Variants in SYNPR observed in about 807,000 individuals in gnomAD.
SYNPR encodes the protein synaptoporin.
In SYNPR, 23 loss-of-function variants were observed where a neutral mutation model predicts 32.9. That is an observed-to-expected ratio of 0.70 (90% CI 0.50 to 0.99). The LOEUF (loss-of-function observed/expected upper bound fraction) is 0.99. SYNPR is among the 50% of genes least tolerant of loss of function. The pLI is 0.00. For synonymous variants in SYNPR, 146 were observed against 135.9 expected (o/e 1.07, Z -0.52); for missense variants, 318 against 349.3 (o/e 0.91, Z 0.71).
At chr3:63,397,715 C>T (rs1291167090) in intron 2 of SYNPR, among the ~76,000 whole-genome samples, 2 of 152,184 alleles carry the variant, frequency 1.3e-5, no homozygotes, top group Non-Finnish European at 2.9e-5. Flanking sequence ...TACCCTGCCA[C>T]TGACTAGCTG....
chr3:63,418,588 G>A (rs2088569783), intron 2 of SYNPR, among the ~76,000 whole-genome samples: 1 of 152,188 alleles, frequency 6.6e-6, no homozygotes, highest in Non-Finnish European at 1.5e-5. Flanking sequence ...GAGGTTTAAT[G>A]GACTCACAGT....
intron 4 of SYNPR, among the ~76,000 whole-genome samples, chr3:63,565,146 T>C (rs1473089756): frequency 6.6e-6 from 1 of 152,174 alleles, no homozygotes; most frequent in African/African-American, 2.4e-5. Flanking sequence ...TAGCCTGGCA[T>C]ACCCAGAGAA....
chr3:63,527,821 T>A (rs539629681), intron 3 of SYNPR, among the ~76,000 whole-genome samples: 1 of 152,316 alleles, frequency 6.6e-6, no homozygotes, highest in African/African-American at 2.4e-5. Context: ...AGTTTATAAC[T>A]TCAGTGTTCA....
intron 4 of SYNPR, among the ~76,000 whole-genome samples, chr3:63,566,296 AG>A (rs1352950485): frequency 6.6e-6 from 1 of 152,212 alleles, no homozygotes; most frequent in Non-Finnish European, 1.5e-5. Context: ...TACTATTTAA[AG>A]AACAACTATC....
At chr3:63,420,918 C>T (rs1006857505) in intron 2 of SYNPR, among the ~76,000 whole-genome samples, 1 of 152,048 alleles carries the variant, frequency 6.6e-6, no homozygotes, top group African/African-American at 2.4e-5. Flanking sequence ...GGTCTTGCTG[C>T]CTCCCAGGCT....
At chr3:63,200,971 T>C in the SYNPR span, among the ~76,000 whole-genome samples, 5 of 152,242 alleles carry the variant, frequency 3.3e-5, no homozygotes, top group South Asian at 2.1e-4. Flanking sequence ...TAAATCTAGA[T>C]GTACCCAGGC....
rs1346641521 is a variant in SYNPR, at chr3:63,338,238, TTTC to T, written c.84+59501_84+59503del. 1.8e-4 allele frequency among the ~76,000 whole-genome samples: 27 copies of T among 152,196 alleles called. 1 individual carries two copies. The highest frequency in any genetic ancestry group is 3.9e-4 in the Admixed American group (6 of 15,280). ...AGCCTCCAATAAATTCTTGGCAGAA[TTTC>T]TTCTGAACTTTGACCACAATGGCTA... On this transcript the variant is annotated intron_variant, in intron 2 of 5. Coordinates refer to ENST00000478300, the MANE Select transcript of SYNPR (RefSeq NM_001130003.2).
intron 1 of SYNPR, among the ~76,000 whole-genome samples, chr3:63,252,166 T>C (rs1438403221): frequency 2.6e-5 from 4 of 152,152 alleles, no homozygotes; most frequent in African/African-American, 4.8e-5. Flanking sequence ...GTGTATTCTA[T>C]TTGCAGAAAA....
intron 4 of SYNPR, among the ~76,000 whole-genome samples, chr3:63,604,163 C>T (rs1452771720): frequency 6.6e-6 from 1 of 152,064 alleles, no homozygotes; most frequent in East Asian, 1.9e-4. Flanking sequence ...GTAGTTTCTC[C>T]ACTCCATCTT....
chr3:63,435,003 C>T (rs948794305), intron 2 of SYNPR, among the ~76,000 whole-genome samples: 1 of 152,142 alleles, frequency 6.6e-6, no homozygotes, highest in Non-Finnish European at 1.5e-5. Context: ...TCCCCTGTAC[C>T]AGAAGAGTAG....
intron 2 of SYNPR, among the ~76,000 whole-genome samples, chr3:63,454,991 A>C (rs1700454684): frequency 6.6e-6 from 1 of 152,146 alleles, no homozygotes; most frequent in African/African-American, 2.4e-5. Flanking sequence ...ACTCAACTTT[A>C]CTTAAGTTTT....
intron 3 of SYNPR, among the ~76,000 whole-genome samples, chr3:63,511,082 C>G (rs1701689477): frequency 6.6e-6 from 1 of 151,880 alleles, no homozygotes; most frequent in African/African-American, 2.4e-5. Context: ...GCCTAAAAAT[C>G]TGGGTAGTTA....
chr3:63,542,265 T>A (rs764622169), intron 3 of SYNPR, among the ~76,000 whole-genome samples: 2 of 152,142 alleles, frequency 1.3e-5, no homozygotes, highest in Non-Finnish European at 2.9e-5. Context: ...TAAAACATGA[T>A]AATTGATCAG....
Position 63,479,446 on chromosome 3 carries a change from G to GCGCGCGCACACACACACACACACACACA in SYNPR, c.85-1385_85-1384insGCGCGCACACACACACACACACACACAC, listed in dbSNP as rs6147854. On this transcript the variant is annotated intron_variant, in intron 2 of 5. Coordinates refer to ENST00000478300, the MANE Select transcript of SYNPR (RefSeq NM_001130003.2). Reference sequence around the variant, plus strand: ...AGTCACTTAAAACTGCCACACACATGCACACACACATACACACACACACAC... The same window carrying GCGCGCGCACACACACACACACACACACA: ...AGTCACTTAAAACTGCCACACACATGCGCGCGCACACACACACACACACACACACACACACACATACACACACACACAC... Among the ~76,000 whole-genome samples the GCGCGCGCACACACACACACACACACACA allele has an allele frequency of 1.2e-3, 158 of 135,840 alleles. 3 individuals are homozygous for GCGCGCGCACACACACACACACACACACA. Among genetic ancestry groups the GCGCGCGCACACACACACACACACACACA allele is most frequent in the African/African-American group, 3.8e-3 (124 of 33,034 alleles). The allele number at this position is 135,840 out of a possible 152,430, so 89.1% of individuals were successfully genotyped here.
Position 63,609,228 on chromosome 3 carries a change from T to C in SYNPR, c.512T>C (p.Val171Ala). The change falls in exon 5 of 6, where the codon GTA becomes GCA. Residue 171 changes from valine (V) to alanine (A), a missense_variant. Physicochemically the swap from Val to Ala is moderately conservative, Grantham distance 64. Transcript: ENST00000478300. Reference protein sequence around the residue: ...DVKVATDPKEVLLLMSACKQP... With the variant: ...DVKVATDPKEALLLMSACKQP... ...AAAGTTGCAACGGATCCCAAGGAAG[T>C]ATTGCTACTAATGTCAGCTTGCAAA... 6.2e-7 allele frequency: 1 copy of C among 1,608,832 alleles called. No homozygotes were observed. Among genetic ancestry groups the C allele is most frequent in the Non-Finnish European group, 8.5e-7 (1 of 1,177,386 alleles).
intron 2 of SYNPR, among the ~76,000 whole-genome samples, chr3:63,449,556 A>T (rs186735712): frequency 6.6e-6 from 1 of 152,296 alleles, no homozygotes; most frequent in Non-Finnish European, 1.5e-5. Context: ...ACCACCAGAC[A>T]TTGCCAAATT....
chr3:63,542,305 C>G (rs1213100410), intron 3 of SYNPR, among the ~76,000 whole-genome samples: 1 of 152,082 alleles, frequency 6.6e-6, no homozygotes, highest in East Asian at 1.9e-4. Context: ...ACCTGAAAAG[C>G]AAGAAACTGT....
chr3:63,413,805 C>T (rs1336666483), intron 2 of SYNPR, among the ~76,000 whole-genome samples: 1 of 152,072 alleles, frequency 6.6e-6, no homozygotes, highest in Non-Finnish European at 1.5e-5. Flanking sequence ...AACTGTTTTC[C>T]ATGCTGCCCA....
the SYNPR span, among the ~76,000 whole-genome samples, chr3:63,209,621 A>G: frequency 1.3e-5 from 2 of 152,236 alleles, no homozygotes; most frequent in South Asian, 4.1e-4. Context: ...GCTCCTTCTC[A>G]CTTTAAAGTC....
Sources: allele counts gnomAD v4.1 joint callset (sites outside exome capture counted in the v4.1 genomes callset), GRCh38; gene constraint gnomAD v4.1.1; transcripts MANE v1.5; gene names NCBI Gene and HGNC (gene_info 2026-07-23, HGNC 2026-07-21).